The following FBXL17 variants were observed in gnomAD, a reference collection of about 807,000 sequenced individuals.
FBXL17 encodes the protein F-box and leucine rich repeat protein 17.
Under a neutral mutation model 66.2 loss-of-function variants are expected in FBXL17, and 22 were observed. That is an observed-to-expected ratio of 0.33 (90% CI 0.24 to 0.47). The LOEUF (loss-of-function observed/expected upper bound fraction) is 0.47, where lower values mean the gene tolerates loss of function less well. Among genes scored for constraint, FBXL17 ranks in the 20% least tolerant of loss-of-function variants. The pLI is 1.00. For synonymous variants in FBXL17, 474 were observed against 400.5 expected, an observed-to-expected ratio of 1.18 and a Z score of -2.19; for missense variants, 878 against 948.2, an observed-to-expected ratio of 0.93 and a Z score of 0.97.
intron 6 of FBXL17, among the ~76,000 whole-genome samples, chr5:108,073,265 T>C (rs1580404848): frequency 1.3e-5 from 2 of 152,228 alleles, no homozygotes; most frequent in South Asian, 4.1e-4. Context: ...GGTTTTGAAA[T>C]TTAGCGCTAA....
intron 4 of FBXL17, among the ~76,000 whole-genome samples, chr5:108,343,363 T>C (rs1320134585): frequency 6.6e-6 from 1 of 152,172 alleles, no homozygotes; most frequent in Non-Finnish European, 1.5e-5. Context: ...GAAAGAACAC[T>C]GAAGGCGAGT....
chr5:108,186,058 TTAA>T lies in FBXL17; in HGVS notation c.1745+56_1745+58del, dbSNP rs1222839094. ...TTATAGACATGCCTTGTTATAATAA[TTAA>T]TATTTCCTAAATGTTTTCCTCTAGA... On this transcript the variant is annotated intron_variant, in intron 6 of 8. Coordinates refer to ENST00000542267, the MANE Select transcript of FBXL17 (RefSeq NM_001163315.3). 4.5e-6 allele frequency: 6 copies of T among 1,344,762 alleles called. No homozygotes were observed. In the African/African-American group the frequency reaches 5.8e-5, roughly 13 times the overall value. The allele number at this position is 1,344,762 out of a possible 1,614,324, so 83.3% of individuals were successfully genotyped here. A position where few individuals can be genotyped will look rare whatever the true frequency, so the allele number is the denominator to read the frequency against.
At chr5:108,319,773 T>C (rs768209649) in intron 4 of FBXL17, among the ~76,000 whole-genome samples, 1 of 151,710 alleles carries the variant, frequency 6.6e-6, no homozygotes, top group Non-Finnish European at 1.5e-5. Context: ...ATAACTTCTA[T>C]TAATATTACT....
At chr5:108,219,623 G>A (rs950183952) in intron 5 of FBXL17, among the ~76,000 whole-genome samples, 1 of 151,980 alleles carries the variant, frequency 6.6e-6, no homozygotes. Context: ...AGAGGTGGAG[G>A]TTGCAGTGAG....
chr5:107,920,604 T>C (rs149356643), intron 7 of FBXL17, among the ~76,000 whole-genome samples: 1 of 152,330 alleles, frequency 6.6e-6, no homozygotes, highest in African/African-American at 2.4e-5. Flanking sequence ...CTTCAAGGGA[T>C]AATGAAGAGA....
intron 4 of FBXL17, among the ~76,000 whole-genome samples, chr5:108,338,199 T>C (rs1247609449): frequency 6.6e-6 from 1 of 151,666 alleles, no homozygotes; most frequent in African/African-American, 2.4e-5. Context: ...AATGAAAAGC[T>C]AGAACATGAT....
At position 108,069,174 on chromosome 5, in the gene FBXL17, A is replaced by T. The variant is rs184903224; in HGVS notation, c.1746-48173T>A. Among the ~76,000 whole-genome samples, 381 of 152,324 alleles carry T rather than the reference A, an allele frequency of 2.5e-3. 1 individual carries two copies. The highest frequency in any genetic ancestry group is 8.8e-3 in the African/African-American group (366 of 41,568). On this transcript the variant is annotated intron_variant, in intron 6 of 8. Transcript: ENST00000542267. The stretch of plus-strand genomic sequence containing the variant: ...GGCAGAGCTAGGAGAAATAAGAAAA[A>T]CTACCCAGAGAACATGCCCTAAAAT...
intron 4 of FBXL17, among the ~76,000 whole-genome samples, chr5:108,341,879 C>A (rs1279610912): frequency 1.3e-5 from 2 of 152,130 alleles, no homozygotes; most frequent in Admixed American, 6.5e-5. Context: ...CTTGCATATT[C>A]ATCACATCAC....
intron 7 of FBXL17, among the ~76,000 whole-genome samples, chr5:107,910,709 T>A (rs1458747321): frequency 6.6e-6 from 1 of 152,102 alleles, no homozygotes; most frequent in Admixed American, 6.6e-5. Flanking sequence ...ATTTAGTATG[T>A]TAGCTAGTTA....
intron 4 of FBXL17, among the ~76,000 whole-genome samples, chr5:108,279,659 T>C (rs1174466663): frequency 1.3e-5 from 2 of 151,438 alleles, no homozygotes; most frequent in Non-Finnish European, 1.5e-5. Context: ...GAATGTTAAG[T>C]ATTTATTTTA....
rs111861518 is a variant in FBXL17 at position 108,108,155 on chromosome 5, T to A, written c.1745+77962A>T. Among the ~76,000 whole-genome samples, 3 of 152,242 alleles carry A rather than the reference T, an allele frequency of 2.0e-5. No homozygotes were observed. The East Asian group carries it at 5.8e-4, about 29-fold the overall frequency. On this transcript the variant is annotated intron_variant, in intron 6 of 8. Transcript: ENST00000542267. ...TTCTCCTTCAGTGATAGCTCCTCCA[T>A]GAGCTGTATTTCAAACTGCAAACAT...
intron 4 of FBXL17, among the ~76,000 whole-genome samples, chr5:108,300,940 ATAG>A (rs1319350151): frequency 5.2e-4 from 79 of 151,902 alleles, no homozygotes; most frequent in African/African-American, 1.8e-3. Context: ...AAAGTCTAAA[ATAG>A]TAGTTTAAAA....
intron 6 of FBXL17, among the ~76,000 whole-genome samples, chr5:108,156,462 T>G (rs1752000660): frequency 6.6e-6 from 1 of 152,002 alleles, no homozygotes; most frequent in African/African-American, 2.4e-5. Context: ...CCTATTTATA[T>G]ATCTTAGACA....
intron 7 of FBXL17, among the ~76,000 whole-genome samples, chr5:107,957,146 G>A (rs1013507608): frequency 2.0e-5 from 3 of 152,086 alleles, no homozygotes; most frequent in East Asian, 3.9e-4. Context: ...TCAACCTTTC[G>A]GTGTCACTGA....
intron 6 of FBXL17, among the ~76,000 whole-genome samples, chr5:108,126,586 T>A (rs1750704692): frequency 6.6e-6 from 1 of 150,934 alleles, no homozygotes; most frequent in Non-Finnish European, 1.5e-5. Flanking sequence ...TATCATTAAT[T>A]CTTGGAGCAA....
At position 107,925,086 on chromosome 5, in the gene FBXL17, T is replaced by C. The variant is rs576332532; in HGVS notation, c.1823-43907A>G. ...ACTAAAAAAACAGATTGATTTTTCA[T>C]ATAGATGTGATGTAATTAAGTTCTA... On this transcript the variant is annotated intron_variant, in intron 7 of 8. Transcript: ENST00000542267. 5.6e-4 allele frequency among the ~76,000 whole-genome samples: 86 copies of C among 152,350 alleles called. 1 individual carries two copies. The highest frequency in any genetic ancestry group is 2.7e-3 in the Admixed American group (41 of 15,298).
At chr5:107,979,889 TG>T (rs1752740854) in intron 7 of FBXL17, among the ~76,000 whole-genome samples, 11 of 152,108 alleles carry the variant, frequency 7.2e-5, no homozygotes, top group Non-Finnish European at 1.6e-4. Flanking sequence ...TTAAAGTATA[TG>T]AAGAAAAGGA....
chr5:107,906,945 G>A (rs140341384), intron 7 of FBXL17, among the ~76,000 whole-genome samples: 91 of 152,214 alleles, frequency 6.0e-4, no homozygotes, highest in Non-Finnish European at 1.1e-3. Context: ...TTTCCATTCC[G>A]CATGGCAAGT....
intron 3 of FBXL17, among the ~76,000 whole-genome samples, chr5:108,358,523 C>A (rs1393749104): frequency 2.0e-5 from 3 of 152,056 alleles, no homozygotes; most frequent in Non-Finnish European, 4.4e-5. Context: ...CCTTGTACTC[C>A]TTGGATAAAT....
Sources: gnomAD v4.1 joint callset for allele counts (sites outside exome capture counted in the v4.1 genomes callset) on GRCh38, gnomAD v4.1.1 for gene constraint, MANE v1.5 for transcripts, NCBI Gene and HGNC (gene_info 2026-07-23, HGNC 2026-07-21) for gene names.